The following VIT variants were observed in gnomAD, a reference collection of about 807,000 sequenced individuals.
VIT encodes the protein vitrin.
VIT carries 99 observed loss-of-function variants against 78.0 expected under a neutral mutation model. The observed-to-expected ratio is 1.27, with a 90% CI of 1.08 to 1.50. VIT has a LOEUF of 1.50. Among genes scored for constraint, VIT ranks in the 40% most tolerant of loss-of-function variants. The pLI is 0.00. For synonymous variants in VIT, 374 were observed against 334.3 expected (o/e 1.12, Z -1.29); for missense variants, 1,126 against 875.3 (o/e 1.29, Z -3.61).
chr2:36,809,520 C>T (rs942406479), intron 15 of VIT, among the ~76,000 whole-genome samples: 1 of 152,152 alleles, frequency 6.6e-6, no homozygotes. Flanking sequence ...CAGGTTGAAG[C>T]AATTCTCCTG....
intron 2 of VIT, among the ~76,000 whole-genome samples, chr2:36,721,019 A>T (rs1446579632): frequency 6.6e-6 from 1 of 152,166 alleles, no homozygotes; most frequent in East Asian, 1.9e-4. Flanking sequence ...TCAAAAAAAA[A>T]AAAAGGTACA....
intron 3 of VIT, among the ~76,000 whole-genome samples, chr2:36,731,199 A>T (rs11900660): frequency 0.17 from 26,006 of 152,112 alleles, 2,836 homozygotes; most frequent in Non-Finnish European, 0.25. Context: ...TACATCCAGA[A>T]AGTTCAGTAG....
At chr2:36,813,531 C>T (rs968773504) in intron 15 of VIT, among the ~76,000 whole-genome samples, 1 of 152,058 alleles carries the variant, frequency 6.6e-6, no homozygotes, top group African/African-American at 2.4e-5. Flanking sequence ...GTGTTGGACA[C>T]CCCTTTCTTT....
At position 36,698,467 on chromosome 2, in the gene VIT, T is replaced by C. The variant is rs537095762; in HGVS notation, c.-19+1494T>C. The stretch of plus-strand genomic sequence containing the variant: ...ATGCGCCAAGCCAGGAGTCCTAAAT[T>C]ATAGTAACAGCTCTGCCACTACCTA... On this transcript the variant is annotated intron_variant, in intron 1 of 15. Coordinates refer to ENST00000379242, the MANE Select transcript of VIT (RefSeq NM_053276.4). Among the ~76,000 whole-genome samples the C allele has an allele frequency of 3.9e-5, 6 of 152,254 alleles. No homozygotes were observed. The East Asian group carries it at 7.7e-4, about 20-fold the overall frequency.
At chr2:36,713,453 C>T (rs11691187) in intron 1 of VIT, among the ~76,000 whole-genome samples, 46,707 of 152,100 alleles carry the variant, frequency 0.31, 8,575 homozygotes, top group Middle Eastern at 0.45. Flanking sequence ...CTTGTAAAGA[C>T]TTCGGCTTTT....
chr2:36,813,784 G>C (rs1395715679), intron 15 of VIT, among the ~76,000 whole-genome samples: 1 of 152,154 alleles, frequency 6.6e-6, no homozygotes, highest in Non-Finnish European at 1.5e-5. Flanking sequence ...GCAGGCATGT[G>C]TCATGTATTC....
At chr2:36,787,041 G>T in intron 11 of VIT, 88 bp from the exon 12 acceptor site, 2 of 1,503,812 alleles carry the variant, frequency 1.3e-6, no homozygotes, top group Non-Finnish European at 9.1e-7. Context: ...TTCTCAGGGG[G>T]CTCTGATGGA....
intron 7 of VIT, 36 bp downstream of exon 7, chr2:36,767,321 G>T: frequency 6.9e-7 from 1 of 1,453,454 alleles, no homozygotes; most frequent in Non-Finnish European, 9.1e-7. Flanking sequence ...TTGTGCTAGG[G>T]AAATGGGAAA....
intron 10 of VIT, among the ~76,000 whole-genome samples, chr2:36,782,617 C>T (rs1050214342): frequency 6.6e-6 from 1 of 152,160 alleles, no homozygotes; most frequent in African/African-American, 2.4e-5. Context: ...GTTACCAAGC[C>T]TAAAAGGATT....
intron 4 of VIT, among the ~76,000 whole-genome samples, chr2:36,745,391 A>AT (rs1463087269): frequency 1.3e-5 from 2 of 152,120 alleles, no homozygotes; most frequent in Non-Finnish European, 2.9e-5. Context: ...GAATCTGTAC[A>AT]TTGCTTTGGG....
chr2:36,714,333 T>C (rs1274212059), intron 1 of VIT, among the ~76,000 whole-genome samples: 2 of 152,206 alleles, frequency 1.3e-5, no homozygotes, highest in South Asian at 2.1e-4. Flanking sequence ...TAGATGGTGA[T>C]TATCTGTTTC....
At chr2:36,736,705 C>A (rs1667529306) in intron 3 of VIT, among the ~76,000 whole-genome samples, 1 of 152,148 alleles carries the variant, frequency 6.6e-6, no homozygotes, top group South Asian at 2.1e-4. Context: ...TAAAGGAAAG[C>A]CTTGCTGGGC....
intron 9 of VIT, among the ~76,000 whole-genome samples, chr2:36,780,287 T>C (rs2148618282): frequency 6.6e-6 from 1 of 152,252 alleles, no homozygotes; most frequent in South Asian, 2.1e-4. Flanking sequence ...GCACCCAGCA[T>C]CCTAATCTTC....
chr2:36,754,402 C>A (rs1407667210), intron 4 of VIT, among the ~76,000 whole-genome samples: 1 of 152,168 alleles, frequency 6.6e-6, no homozygotes, highest in Admixed American at 6.5e-5. Flanking sequence ...GATCTAAAAC[C>A]TGGCAAAATC....
chr2:36,808,724 C>A lies in VIT; in HGVS notation c.1642C>A (p.Arg548Ser). ...GTTTGAGATTTCCGACACGGACACG[C>A]GCATCGGGGCCGTGCAGTACACCTA... is the stretch of plus-strand genomic sequence containing the variant. ...KEFEISDTDT[R>S]IGAVQYTYEQ... Residue 548 changes from arginine (R) to serine (S), a missense_variant, in exon 15 of 16, where the codon CGC (arginine) becomes AGC (serine). Physicochemically the swap from Arg to Ser is moderately radical, Grantham distance 110 (BLOSUM62 -1). Coordinates refer to ENST00000379242, the MANE Select transcript of VIT (RefSeq NM_053276.4). The A allele has an allele frequency of 2.5e-6, 4 of 1,614,226 alleles. No homozygotes were observed. Among genetic ancestry groups the A allele is most frequent in the Non-Finnish European group, 3.4e-6 (4 of 1,180,044 alleles).
At chr2:36,724,055 G>A (rs116786231) in intron 2 of VIT, among the ~76,000 whole-genome samples, 4,438 of 149,110 alleles carry the variant, frequency 0.03, 98 homozygotes, top group Non-Finnish European at 0.041. Context: ...TTTCACTCTT[G>A]TTGCCCAGGC....
chr2:36,765,260 C>T (rs1057195853), intron 6 of VIT, among the ~76,000 whole-genome samples: 3 of 152,024 alleles, frequency 2.0e-5, no homozygotes, highest in African/African-American at 7.2e-5. Flanking sequence ...TGTATTAGTT[C>T]GTTCTCACAC....
chr2:36,716,282 CA>C lies in VIT; in HGVS notation c.-18-70del, dbSNP rs1303312672. ...AATGCAAAATGATGCAGTCTATCCC[CA>C]CACACTCTGTGCATCCAAATCAGAA... On this transcript the variant is annotated intron_variant, in intron 1 of 15. Transcript: ENST00000379242. The C allele has an allele frequency of 3.8e-6, 5 of 1,311,022 alleles. No individual in the cohort carries two copies. The East Asian group carries it at 1.2e-4, about 30-fold the overall frequency. The allele number at this position is 1,311,022 out of a possible 1,614,324, so 81.2% of individuals were successfully genotyped here. A position where few individuals can be genotyped will look rare whatever the true frequency, so the allele number is the denominator to read the frequency against.
intron 1 of VIT, among the ~76,000 whole-genome samples, chr2:36,710,824 G>A (rs1232211404): frequency 6.6e-6 from 1 of 152,050 alleles, no homozygotes; most frequent in Non-Finnish European, 1.5e-5. Context: ...ATTTTGCATC[G>A]TTCCCAGTTT....
Sources: allele counts gnomAD v4.1 joint callset (sites outside exome capture counted in the v4.1 genomes callset), GRCh38; gene constraint gnomAD v4.1.1; transcripts MANE v1.5; gene names NCBI Gene and HGNC (gene_info 2026-07-23, HGNC 2026-07-21).